The following DNAJC1 variants were observed in gnomAD, a reference collection of about 807,000 sequenced individuals.
DNAJC1 encodes the protein DnaJ heat shock protein family (Hsp40) member C1, also known as dnaJ homolog subfamily C member 1.
Under a neutral mutation model 76.6 loss-of-function variants are expected in DNAJC1, and 58 were observed. That is an observed-to-expected ratio of 0.76 (90% CI 0.61 to 0.94). The LOEUF (loss-of-function observed/expected upper bound fraction) is 0.94, where lower values mean the gene tolerates loss of function less well. Among genes scored for constraint, DNAJC1 ranks in the 40% least tolerant of loss-of-function variants. DNAJC1 has a pLI of 0.00. For missense variants in DNAJC1, 689 were observed against 677.3 expected (o/e 1.02, Z -0.19); for synonymous variants, 258 against 267.9 (o/e 0.96, Z 0.36).
intron 1 of DNAJC1, among the ~76,000 whole-genome samples, chr10:21,962,650 T>TC (rs1491408859): frequency 7.3e-6 from 1 of 136,662 alleles, no homozygotes; most frequent in East Asian, 2.1e-4. Context: ...TTTCTTTTTC[T>TC]TTTTTTTTTT....
chr10:22,001,510 T>C (rs1182359835), intron 1 of DNAJC1, among the ~76,000 whole-genome samples: 1 of 152,214 alleles, frequency 6.6e-6, no homozygotes, highest in Non-Finnish European at 1.5e-5. Context: ...ACAAAGAATC[T>C]TCTTGATTAT....
intron 7 of DNAJC1, among the ~76,000 whole-genome samples, chr10:21,900,863 T>G (rs958467003): frequency 1.8e-4 from 28 of 152,304 alleles, no homozygotes; most frequent in African/African-American, 6.3e-4. Context: ...TAACCTAAAC[T>G]GCGGCTGCTC....
intron 8 of DNAJC1, among the ~76,000 whole-genome samples, chr10:21,807,949 A>G (rs1301001558): frequency 6.6e-6 from 1 of 152,224 alleles, no homozygotes; most frequent in African/African-American, 2.4e-5. Context: ...AGAGAAATAT[A>G]ATTGGATTTT....
At chr10:21,772,924 C>T (rs901714199) in intron 9 of DNAJC1, among the ~76,000 whole-genome samples, 1 of 152,196 alleles carries the variant, frequency 6.6e-6, no homozygotes, top group Non-Finnish European at 1.5e-5. Flanking sequence ...AACTAGGAGG[C>T]AGCACTTCAC....
At chr10:21,859,876 C>T (rs184193873) in intron 8 of DNAJC1, among the ~76,000 whole-genome samples, 35 of 152,040 alleles carry the variant, frequency 2.3e-4, no homozygotes, top group Admixed American at 1.1e-3. Flanking sequence ...TTCCACCTCC[C>T]GGGTTCAAGC....
chr10:21,962,459 C>CTTTTTTTTT (rs34817098), intron 1 of DNAJC1, among the ~76,000 whole-genome samples: 6 of 39,904 alleles, frequency 1.5e-4, no homozygotes, highest in African/African-American at 2.5e-4. Context: ...TATTTTATTG[C>CTTTTTTTTT]TTTTTTTTTT....
At chr10:21,950,565 T>G (rs1007123446) in intron 1 of DNAJC1, among the ~76,000 whole-genome samples, 1 of 152,120 alleles carries the variant, frequency 6.6e-6, no homozygotes, top group African/African-American at 2.4e-5. Flanking sequence ...TATCTCACAC[T>G]TTAAGTCAAA....
intron 9 of DNAJC1, among the ~76,000 whole-genome samples, chr10:21,768,971 A>C (rs192547238): frequency 6.6e-6 from 1 of 152,216 alleles, no homozygotes; most frequent in African/African-American, 2.4e-5. Flanking sequence ...GTCTACTCTA[A>C]ATCTTCCCTT....
intron 10 of DNAJC1, among the ~76,000 whole-genome samples, chr10:21,764,798 G>A (rs924535571): frequency 6.6e-6 from 1 of 152,196 alleles, no homozygotes; most frequent in African/African-American, 2.4e-5. Context: ...ACCTTATGGT[G>A]CTTTTAGAGA....
At chr10:21,909,511 ATTG>A in intron 6 of DNAJC1, among the ~76,000 whole-genome samples, 1 of 152,358 alleles carries the variant, frequency 6.6e-6, no homozygotes, top group South Asian at 2.1e-4. Context: ...GAGAACAGGA[ATTG>A]TTGTCTTTCA....
intron 6 of DNAJC1, 82 bp from the exon 7 acceptor site, chr10:21,904,694 C>CATT: frequency 1.4e-6 from 1 of 710,910 alleles, no homozygotes; most frequent in Non-Finnish European, 2.2e-6. Context: ...AACTTTAAAG[C>CATT]ATTATATTCA....
intron 9 of DNAJC1, among the ~76,000 whole-genome samples, chr10:21,777,655 G>T (rs922676109): frequency 2.6e-5 from 4 of 152,132 alleles, no homozygotes; most frequent in African/African-American, 9.7e-5. Context: ...ACATATGCAG[G>T]GTTTGAAATC....
intron 8 of DNAJC1, among the ~76,000 whole-genome samples, chr10:21,833,927 G>C (rs1015930169): frequency 6.6e-6 from 1 of 152,140 alleles, no homozygotes; most frequent in African/African-American, 2.4e-5. Context: ...ACAGGGGAAA[G>C]ATCACTGTAG....
chr10:21,938,539 T>C (rs1314499142), intron 1 of DNAJC1, among the ~76,000 whole-genome samples: 1 of 152,202 alleles, frequency 6.6e-6, no homozygotes, highest in Non-Finnish European at 1.5e-5. Context: ...TTAGGCTTTG[T>C]GGGTCAGTCT....
chr10:21,921,110 G>A (rs1172821812), intron 3 of DNAJC1, 147 bp from the exon 4 acceptor site: 2 of 732,594 alleles, frequency 2.7e-6, no homozygotes, highest in African/African-American at 3.6e-5. Context: ...ATAATATCGA[G>A]TAAATTCAAA....
intron 8 of DNAJC1, among the ~76,000 whole-genome samples, chr10:21,814,198 G>C (rs1456638090): frequency 6.6e-6 from 1 of 152,070 alleles, no homozygotes; most frequent in Admixed American, 6.6e-5. Flanking sequence ...TCCTTTTACT[G>C]TCTATTAATA....
At chr10:21,758,700 C>T (rs537052476) in intron 11 of DNAJC1, among the ~76,000 whole-genome samples, 12 of 152,344 alleles carry the variant, frequency 7.9e-5, no homozygotes, top group African/African-American at 2.9e-4. Context: ...CACGGTAATA[C>T]CATCTATACC....
intron 1 of DNAJC1, among the ~76,000 whole-genome samples, chr10:21,972,703 G>A (rs1838000510): frequency 6.6e-6 from 1 of 151,956 alleles, no homozygotes; most frequent in South Asian, 2.1e-4. Flanking sequence ...TGAGTGATTA[G>A]GAGGTTACAG....
At chr10:21,857,703 A>G (rs1835859459) in intron 8 of DNAJC1, among the ~76,000 whole-genome samples, 1 of 152,144 alleles carries the variant, frequency 6.6e-6, no homozygotes, top group South Asian at 2.1e-4. Flanking sequence ...TAAAAATACA[A>G]AAATTATCTG....
Sources: gnomAD v4.1 joint callset for allele counts (sites outside exome capture counted in the v4.1 genomes callset) on GRCh38, gnomAD v4.1.1 for gene constraint, MANE v1.5 for transcripts, NCBI Gene and HGNC (gene_info 2026-07-23, HGNC 2026-07-21) for gene names.